The following EEFSEC variants were observed in gnomAD, a reference collection of about 807,000 sequenced individuals.
EEFSEC encodes selenocysteine-specific elongation factor.
EEFSEC carries 43 observed loss-of-function variants against 42.1 expected under a neutral mutation model. That is an observed-to-expected ratio of 1.02 (90% CI 0.80 to 1.32). EEFSEC has a LOEUF of 1.32. Among genes scored for constraint, EEFSEC ranks in the 40% most tolerant of loss-of-function variants. The probability of loss-of-function intolerance (pLI) is 0.00; values close to 1 mark genes in which losing one functional copy is unlikely to be tolerated. For missense variants in EEFSEC, 745 were observed against 803.6 expected (o/e 0.93, Z 0.88); for synonymous variants, 354 against 339.1 (o/e 1.04, Z -0.48).
At chr3:128,327,556 C>T (rs111999042) in intron 4 of EEFSEC, among the ~76,000 whole-genome samples, 35 of 152,256 alleles carry the variant, frequency 2.3e-4, no homozygotes, top group African/African-American at 7.2e-4. Context: ...GCTACATGAG[C>T]GTGTTGAATT....
At chr3:128,328,105 C>G (rs2067085617) in intron 4 of EEFSEC, among the ~76,000 whole-genome samples, 1 of 152,208 alleles carries the variant, frequency 6.6e-6, no homozygotes, top group African/African-American at 2.4e-5. Context: ...TGGCTAGGAC[C>G]TGGTACCCTT....
chr3:128,377,694 G>C (rs983077061), intron 6 of EEFSEC, among the ~76,000 whole-genome samples: 3 of 152,170 alleles, frequency 2.0e-5, no homozygotes, highest in Non-Finnish European at 4.4e-5. Flanking sequence ...AATATGTAGG[G>C]TATTTTCTTA....
intron 4 of EEFSEC, among the ~76,000 whole-genome samples, chr3:128,302,425 A>AG (rs1258313765): frequency 6.6e-6 from 1 of 152,194 alleles, no homozygotes; most frequent in Non-Finnish European, 1.5e-5. Context: ...TTGATCCTGC[A>AG]GGCCGACTGA....
At chr3:128,177,680 T>C (rs552977368) in intron 1 of EEFSEC, among the ~76,000 whole-genome samples, 8 of 152,210 alleles carry the variant, frequency 5.3e-5, no homozygotes, top group Middle Eastern at 3.4e-3. Context: ...CTCCAAAGAA[T>C]CTCCCCCCGT....
rs542768711 is a variant in EEFSEC, at chr3:128,370,569, C to A, written c.1600+12196C>A. ...CTCCCATATCCCCATGGGGCTAAGC[C>A]AGGGCCTGTGGAGGGAGGAGAGGAG... is the stretch of plus-strand genomic sequence containing the variant. On this transcript the variant is annotated intron_variant, in intron 6 of 6. Transcript: ENST00000254730. Among the ~76,000 whole-genome samples, 3 of 152,262 alleles carry A rather than the reference C, an allele frequency of 2.0e-5. No individual in the cohort carries two copies. In the East Asian group the frequency reaches 5.8e-4, roughly 29 times the overall value.
At chr3:128,198,488 A>G (rs939217086) in intron 1 of EEFSEC, among the ~76,000 whole-genome samples, 2 of 152,324 alleles carry the variant, frequency 1.3e-5, no homozygotes, top group Admixed American at 1.3e-4. Context: ...CCATTTCAGA[A>G]AGGGCACTCT....
intron 1 of EEFSEC, among the ~76,000 whole-genome samples, chr3:128,232,492 A>G (rs2065968906): frequency 6.6e-6 from 1 of 152,178 alleles, no homozygotes; most frequent in South Asian, 2.1e-4. Flanking sequence ...AGTGGTAGTG[A>G]CACTTGAGAA....
intron 4 of EEFSEC, among the ~76,000 whole-genome samples, chr3:128,318,955 G>A (rs886904938): frequency 1.3e-5 from 2 of 152,226 alleles, no homozygotes; most frequent in Non-Finnish European, 2.9e-5. Context: ...GGCCCAGAGA[G>A]GAGAAATGAC....
chr3:128,398,093 G>T (rs917161172), intron 6 of EEFSEC, among the ~76,000 whole-genome samples: 2 of 152,248 alleles, frequency 1.3e-5, no homozygotes, highest in Non-Finnish European at 2.9e-5. Context: ...ATGAGGTGGG[G>T]TGCACACGGG....
chr3:128,209,873 G>GT (rs1415022776), intron 1 of EEFSEC, among the ~76,000 whole-genome samples: 9 of 152,156 alleles, frequency 5.9e-5, no homozygotes, highest in African/African-American at 2.2e-4. Context: ...TCAAAGAAAT[G>GT]GACAGATAAC....
chr3:128,271,306 C>A (rs1461345910), intron 4 of EEFSEC, among the ~76,000 whole-genome samples: 1 of 152,256 alleles, frequency 6.6e-6, no homozygotes, highest in East Asian at 1.9e-4. Flanking sequence ...GGCTGCAGAG[C>A]TGGCTTTCCA....
chr3:128,327,773 T>C lies in EEFSEC; in HGVS notation c.787-13460T>C, dbSNP rs114320682. 3.4e-3 allele frequency among the ~76,000 whole-genome samples: 517 copies of C among 152,228 alleles called. 1 individual carries two copies. The highest frequency in any genetic ancestry group is 0.012 in the African/African-American group (480 of 41,544). On this transcript the variant is annotated intron_variant, in intron 4 of 6. Transcript: ENST00000254730. Reference sequence around the variant, plus strand: ...GCACCCGGAGCCCTGGCAGGTTTCATTGAGGACCTAGCCTGACCCAGGCTC... The same window carrying C: ...GCACCCGGAGCCCTGGCAGGTTTCACTGAGGACCTAGCCTGACCCAGGCTC...
chr3:128,185,204 G>T (rs1250856795), intron 1 of EEFSEC, among the ~76,000 whole-genome samples: 1 of 151,990 alleles, frequency 6.6e-6, no homozygotes, highest in Non-Finnish European at 1.5e-5. Context: ...TTGATTATAG[G>T]GAATGGCCCC....
chr3:128,231,629 G>T (rs914117620), intron 1 of EEFSEC, among the ~76,000 whole-genome samples: 2 of 152,144 alleles, frequency 1.3e-5, no homozygotes, highest in African/African-American at 4.8e-5. Flanking sequence ...CAGGGATTGT[G>T]CCCTGAGCCC....
At chr3:128,336,012 A>G (rs2067186211) in intron 4 of EEFSEC, among the ~76,000 whole-genome samples, 1 of 152,096 alleles carries the variant, frequency 6.6e-6, no homozygotes, top group South Asian at 2.1e-4. Context: ...CCATTCAAAG[A>G]GGCAGTTGGG....
intron 1 of EEFSEC, among the ~76,000 whole-genome samples, chr3:128,228,095 C>T (rs886833889): frequency 2.0e-5 from 3 of 151,486 alleles, no homozygotes; most frequent in Non-Finnish European, 4.4e-5. Context: ...TGAACAGGCC[C>T]GGTCATCTCT....
At chr3:128,211,877 T>A (rs1166910279) in intron 1 of EEFSEC, among the ~76,000 whole-genome samples, 2 of 63,460 alleles carry the variant, frequency 3.2e-5, no homozygotes, top group Non-Finnish European at 6.2e-5. Context: ...TTTTTTTTTT[T>A]GAGACAGAGT....
intron 1 of EEFSEC, among the ~76,000 whole-genome samples, chr3:128,191,717 T>C (rs903948330): frequency 6.6e-6 from 1 of 152,232 alleles, no homozygotes; most frequent in Admixed American, 6.5e-5. Flanking sequence ...TCATACAGGC[T>C]TGGTGGCTGG....
intron 4 of EEFSEC, among the ~76,000 whole-genome samples, chr3:128,266,263 C>T (rs1576592361): frequency 1.3e-5 from 2 of 152,148 alleles, no homozygotes; most frequent in South Asian, 4.1e-4. Flanking sequence ...TAAGTTGACA[C>T]ATAAAATGAA....
Sources: allele counts gnomAD v4.1 joint callset (sites outside exome capture counted in the v4.1 genomes callset), GRCh38; gene constraint gnomAD v4.1.1; transcripts MANE v1.5; gene names NCBI Gene and HGNC (gene_info 2026-07-23, HGNC 2026-07-21).